Variants in PRKCE observed in about 807,000 individuals in gnomAD.
PRKCE encodes protein kinase C epsilon.
A neutral mutation model predicts 85.4 loss-of-function variants in PRKCE; 16 were observed. The ratio of observed to expected loss-of-function variants is 0.19; its 90% CI spans 0.13 to 0.28. PRKCE has a LOEUF of 0.28. Ranked by LOEUF, PRKCE falls within the 10% of genes least tolerant of loss-of-function variation. The pLI, the probability that PRKCE is intolerant of heterozygous loss-of-function variation, is 1.00. For missense variants in PRKCE, 573 were observed against 975.2 expected, an observed-to-expected ratio of 0.59 and a Z score of 5.49; for synonymous variants, 388 against 371.5, an observed-to-expected ratio of 1.04 and a Z score of -0.51.
At chr2:45,695,992 A>T (rs1678114962) in intron 1 of PRKCE, among the ~76,000 whole-genome samples, 1 of 152,160 alleles carries the variant, frequency 6.6e-6, no homozygotes, top group Non-Finnish European at 1.5e-5. Context: ...CACAATGTGC[A>T]GGTTAGTTAC....
chr2:45,939,066 T>C (rs1454608815), intron 2 of PRKCE, among the ~76,000 whole-genome samples: 2 of 152,138 alleles, frequency 1.3e-5, no homozygotes, highest in African/African-American at 4.8e-5. Flanking sequence ...CCTGCCAGGG[T>C]GGAGGAGGTG....
At chr2:45,748,485 C>A (rs565573014) in intron 1 of PRKCE, among the ~76,000 whole-genome samples, 1 of 152,182 alleles carries the variant, frequency 6.6e-6, no homozygotes, top group Non-Finnish European at 1.5e-5. Flanking sequence ...CTGTGCCTGG[C>A]AAGCAGGCCG....
At chr2:45,801,479 A>G (rs1687862205) in intron 1 of PRKCE, among the ~76,000 whole-genome samples, 1 of 148,570 alleles carries the variant, frequency 6.7e-6, no homozygotes, top group Non-Finnish European at 1.5e-5. Context: ...GGTAAATCCC[A>G]CAGGACTCAG....
At chr2:45,901,238 C>G (rs572106683) in intron 2 of PRKCE, among the ~76,000 whole-genome samples, 1 of 152,318 alleles carries the variant, frequency 6.6e-6, no homozygotes. Flanking sequence ...ACAAAACCGT[C>G]TGTGTTGAGT....
chr2:45,677,513 C>T (rs1350631763), intron 1 of PRKCE, among the ~76,000 whole-genome samples: 2 of 152,026 alleles, frequency 1.3e-5, no homozygotes, highest in Non-Finnish European at 2.9e-5. Context: ...CCCGCCACCG[C>T]GCCCGGCTAA....
intron 1 of PRKCE, among the ~76,000 whole-genome samples, chr2:45,752,517 A>G (rs1013559518): frequency 2.6e-5 from 4 of 150,950 alleles, no homozygotes; most frequent in Non-Finnish European, 4.4e-5. Context: ...CTGTGCATTC[A>G]TTGGTTGTAT....
At chr2:45,897,779 T>A (rs1254106026) in intron 2 of PRKCE, among the ~76,000 whole-genome samples, 3 of 152,136 alleles carry the variant, frequency 2.0e-5, no homozygotes, top group African/African-American at 7.2e-5. Context: ...TGAGAGGAAA[T>A]GTTTTCTTAG....
chr2:45,870,987 A>C (rs1335659862), intron 2 of PRKCE, among the ~76,000 whole-genome samples: 2 of 152,190 alleles, frequency 1.3e-5, no homozygotes, highest in East Asian at 3.9e-4. Context: ...CTGTGCCCAG[A>C]AGTTTTGGGG....
At chr2:45,755,938 G>A (rs1683966495) in intron 1 of PRKCE, among the ~76,000 whole-genome samples, 2 of 152,210 alleles carry the variant, frequency 1.3e-5, no homozygotes, top group South Asian at 4.1e-4. Context: ...GAAGGGAGGA[G>A]GATGGAGAGT....
rs553672880 is a variant in PRKCE at position 46,186,249 on chromosome 2, A to G, written c.*1368A>G. 3.7e-4 allele frequency: 56 copies of G among 152,702 alleles called. No homozygotes were observed. The highest frequency in any genetic ancestry group is 1.3e-3 in the African/African-American group (56 of 41,554). 9.5% of individuals were successfully genotyped at this position (152,702 alleles called of 1,614,324 possible). On this transcript the variant is annotated 3_prime_UTR_variant, in exon 15 of 15. Coordinates refer to ENST00000306156, the MANE Select transcript of PRKCE (RefSeq NM_005400.3). ...CAGAGGTCATTTGATTACCTAATTT[A>G]CTGAACTGATTTAGCAGGGAATGGA... is the stretch of plus-strand genomic sequence containing the variant.
intron 2 of PRKCE, among the ~76,000 whole-genome samples, chr2:45,917,955 C>T (rs1471735083): frequency 6.6e-6 from 1 of 152,182 alleles, no homozygotes; most frequent in Admixed American, 6.5e-5. Flanking sequence ...GGGCCGGCGG[C>T]CGGCTGCTCC....
At chr2:45,891,711 A>G (rs1384194966) in intron 2 of PRKCE, among the ~76,000 whole-genome samples, 1 of 152,142 alleles carries the variant, frequency 6.6e-6, no homozygotes, top group African/African-American at 2.4e-5. Flanking sequence ...AAGCCTCCAA[A>G]TGTCCGCTAG....
At chr2:45,849,387 T>C (rs905265353) in intron 2 of PRKCE, among the ~76,000 whole-genome samples, 4 of 152,184 alleles carry the variant, frequency 2.6e-5, no homozygotes, top group South Asian at 4.1e-4. Context: ...AGCAACCTCA[T>C]AGAGTCCCAT....
At chr2:46,102,043 C>CG (rs35051246) in intron 11 of PRKCE, among the ~76,000 whole-genome samples, 40,510 of 151,854 alleles carry the variant, frequency 0.27, 5,616 homozygotes, top group South Asian at 0.41. Context: ...CAGGTCCCGG[C>CG]GGGAAAGGTG....
intron 11 of PRKCE, among the ~76,000 whole-genome samples, chr2:46,087,665 G>A (rs1669773431): frequency 6.6e-6 from 1 of 150,612 alleles, no homozygotes; most frequent in African/African-American, 2.5e-5. Context: ...ACGGAATGGT[G>A]TCAAATAGCA....
At chr2:46,015,141 C>G (rs899786279) in intron 10 of PRKCE, among the ~76,000 whole-genome samples, 3 of 151,976 alleles carry the variant, frequency 2.0e-5, no homozygotes, top group Admixed American at 2.0e-4. Flanking sequence ...GGGGAAGTGA[C>G]TTTTGGAATT....
intron 1 of PRKCE, among the ~76,000 whole-genome samples, chr2:45,755,951 A>G (rs1683967210): frequency 1.3e-5 from 2 of 152,180 alleles, no homozygotes; most frequent in Admixed American, 1.3e-4. Context: ...TGGAGAGTGG[A>G]TTCCGTGTTG....
chr2:45,835,381 G>C (rs1690773594), intron 1 of PRKCE, among the ~76,000 whole-genome samples: 1 of 152,188 alleles, frequency 6.6e-6, no homozygotes, highest in South Asian at 2.1e-4. Flanking sequence ...AATCAGGATA[G>C]AGAAAACTCC....
At chr2:45,752,769 C>G (rs1338087098) in intron 1 of PRKCE, among the ~76,000 whole-genome samples, 2 of 152,190 alleles carry the variant, frequency 1.3e-5, no homozygotes, top group Non-Finnish European at 2.9e-5. Context: ...GTACCTACCT[C>G]CACCTCAGTG....
Sources: allele counts gnomAD v4.1 joint callset (sites outside exome capture counted in the v4.1 genomes callset), GRCh38; gene constraint gnomAD v4.1.1; transcripts MANE v1.5; gene names NCBI Gene and HGNC (gene_info 2026-07-23, HGNC 2026-07-21).